SGCZ: variants seen among roughly 807,000 people sequenced by gnomAD.
SGCZ encodes sarcoglycan zeta.
SGCZ carries 40 observed loss-of-function variants against 41.3 expected under a neutral mutation model. That is an observed-to-expected ratio of 0.97 (90% CI 0.75 to 1.26). The LOEUF is 1.26. Among genes scored for constraint, SGCZ ranks in the 50% most tolerant of loss-of-function variants. The probability of loss-of-function intolerance (pLI) is 0.00; values close to 1 mark genes in which losing one functional copy is unlikely to be tolerated. For missense variants in SGCZ, 552 were observed against 369.8 expected (o/e 1.49, Z -4.04); for synonymous variants, 206 against 137.5 (o/e 1.50, Z -3.49).
At chr8:15,236,682 T>C (rs1290858194) in intron 1 of SGCZ, among the ~76,000 whole-genome samples, 2 of 152,150 alleles carry the variant, frequency 1.3e-5, no homozygotes, top group African/African-American at 4.8e-5. Flanking sequence ...TATATATATT[T>C]TTTTTTCTTG....
intron 4 of SGCZ, among the ~76,000 whole-genome samples, chr8:14,202,326 C>A (rs1805480617): frequency 6.6e-6 from 1 of 152,142 alleles, no homozygotes; most frequent in African/African-American, 2.4e-5. Flanking sequence ...GGAACACAGT[C>A]CTGCTGACAT....
chr8:14,486,647 C>G (rs1801684664), intron 2 of SGCZ, among the ~76,000 whole-genome samples: 1 of 152,188 alleles, frequency 6.6e-6, no homozygotes, highest in Non-Finnish European at 1.5e-5. Context: ...CATCACGGCT[C>G]ACTGCAGTCT....
intron 2 of SGCZ, among the ~76,000 whole-genome samples, chr8:14,325,292 T>C (rs1160899704): frequency 6.6e-6 from 1 of 152,004 alleles, no homozygotes; most frequent in African/African-American, 2.4e-5. Context: ...ACTAATTTTA[T>C]GTATAGACAC....
chr8:14,299,018 G>A (rs555603915), intron 3 of SGCZ, among the ~76,000 whole-genome samples: 4 of 151,944 alleles, frequency 2.6e-5, no homozygotes, highest in African/African-American at 4.8e-5. Flanking sequence ...CAATTGAACC[G>A]AATCCAGAAA....
At chr8:14,872,329 A>C (rs1046062328) in intron 1 of SGCZ, among the ~76,000 whole-genome samples, 2 of 152,166 alleles carry the variant, frequency 1.3e-5, no homozygotes, top group African/African-American at 4.8e-5. Context: ...TTTTAAAAAA[A>C]CATAGAAATA....
intron 1 of SGCZ, among the ~76,000 whole-genome samples, chr8:14,638,351 T>G (rs1806905110): frequency 6.6e-6 from 1 of 151,948 alleles, no homozygotes; most frequent in South Asian, 2.1e-4. Flanking sequence ...TCTCTGCCCC[T>G]ACCTGAGTTT....
intron 3 of SGCZ, among the ~76,000 whole-genome samples, chr8:14,278,209 C>A (rs1051042220): frequency 3.3e-5 from 5 of 152,150 alleles, no homozygotes; most frequent in African/African-American, 1.2e-4. Context: ...ACATATCGCC[C>A]CTCCTCCGTA....
chr8:14,568,076 C>T (rs965340617), intron 1 of SGCZ, among the ~76,000 whole-genome samples: 2 of 107,350 alleles, frequency 1.9e-5, no homozygotes, highest in Non-Finnish European at 3.5e-5. Context: ...AACTAAAGAA[C>T]CTTTGCAGGC....
intron 1 of SGCZ, among the ~76,000 whole-genome samples, chr8:14,639,520 A>T (rs1201580426): frequency 2.6e-5 from 4 of 151,776 alleles, no homozygotes; most frequent in Non-Finnish European, 4.4e-5. Context: ...GTAGATTTCA[A>T]AATATAACAC....
In SGCZ at chr8:14,543,452, T is replaced by G. The variant is rs377331135; in HGVS notation, c.234+11280A>C. ...TACATGATTGGGTAAAAATGAAGTCTAGACAGCCTCCATCATTATCCTGGA... is the reference window on the plus strand; with the variant it reads ...TACATGATTGGGTAAAAATGAAGTCGAGACAGCCTCCATCATTATCCTGGA... On this transcript the variant is annotated intron_variant, in intron 2 of 7. Coordinates refer to ENST00000382080, the MANE Select transcript of SGCZ (RefSeq NM_139167.4). Among the ~76,000 whole-genome samples the G allele has an allele frequency of 1.9e-3, 286 of 152,228 alleles. 1 individual carries two copies. Among genetic ancestry groups the G allele is most frequent in the African/African-American group, 6.6e-3 (276 of 41,564 alleles).
At chr8:14,321,010 A>G (rs1030778783) in intron 3 of SGCZ, among the ~76,000 whole-genome samples, 1 of 152,086 alleles carries the variant, frequency 6.6e-6, no homozygotes, top group Non-Finnish European at 1.5e-5. Context: ...AAGTCTGAAG[A>G]TTAGGTGTCC....
intron 1 of SGCZ, among the ~76,000 whole-genome samples, chr8:14,798,582 C>T (rs1801213829): frequency 6.6e-6 from 1 of 152,156 alleles, no homozygotes; most frequent in Non-Finnish European, 1.5e-5. Flanking sequence ...GGAAATGCTT[C>T]AGCACTTTAT....
intron 1 of SGCZ, among the ~76,000 whole-genome samples, chr8:14,596,644 C>G (rs1017657129): frequency 1.3e-5 from 2 of 151,946 alleles, no homozygotes; most frequent in African/African-American, 4.8e-5. Context: ...GAATATCGTC[C>G]ATGTGGGAGA....
chr8:14,352,960 G>A (rs532486250), intron 2 of SGCZ, among the ~76,000 whole-genome samples: 1 of 151,962 alleles, frequency 6.6e-6, no homozygotes, highest in Non-Finnish European at 1.5e-5. Context: ...TGAAATATTT[G>A]ATTTCTGTAC....
At chr8:14,353,645 A>G (rs1244190033) in intron 2 of SGCZ, among the ~76,000 whole-genome samples, 1 of 151,682 alleles carries the variant, frequency 6.6e-6, no homozygotes, top group Non-Finnish European at 1.5e-5. Context: ...CATCTCTATA[A>G]TTTTTTCTGC....
chr8:14,225,262 A>C (rs1023468035), intron 4 of SGCZ, among the ~76,000 whole-genome samples: 4 of 152,102 alleles, frequency 2.6e-5, no homozygotes, highest in East Asian at 1.9e-4. Context: ...TTGTACCCCC[A>C]AAAGTTATGG....
At chr8:15,149,077 T>C (rs192358803) in intron 1 of SGCZ, among the ~76,000 whole-genome samples, 31 of 152,304 alleles carry the variant, frequency 2.0e-4, no homozygotes, top group Admixed American at 5.2e-4. Flanking sequence ...TGTAAGTGTC[T>C]GTTAAGTGTC....
chr8:14,132,769 C>A (rs1803081020), intron 5 of SGCZ, among the ~76,000 whole-genome samples: 1 of 152,118 alleles, frequency 6.6e-6, no homozygotes, highest in Non-Finnish European at 1.5e-5. Context: ...GCAAACTGGG[C>A]ATTTGAGTAT....
intron 3 of SGCZ, among the ~76,000 whole-genome samples, chr8:14,292,860 A>C (rs765057506): frequency 3.0e-4 from 46 of 151,988 alleles, no homozygotes; most frequent in East Asian, 1.5e-3. Context: ...CTCTGTCTCT[A>C]TATATATAAT....
Sources: gnomAD v4.1 joint callset for allele counts (sites outside exome capture counted in the v4.1 genomes callset) on GRCh38, gnomAD v4.1.1 for gene constraint, MANE v1.5 for transcripts, NCBI Gene and HGNC (gene_info 2026-07-23, HGNC 2026-07-21) for gene names.